Variants in NBAS observed in about 807,000 individuals in gnomAD.
NBAS encodes NAG/BC035112 fusion.
A neutral mutation model predicts 302.5 loss-of-function variants in NBAS; 219 were observed. The observed-to-expected ratio is 0.72, with a 90% CI of 0.65 to 0.81. The LOEUF is 0.81. Among genes scored for constraint, NBAS ranks in the 30% least tolerant of loss-of-function variants. The pLI, the probability that NBAS is intolerant of heterozygous loss-of-function variation, is 0.00. For synonymous variants in NBAS, 1,118 were observed against 1,021.6 expected, an observed-to-expected ratio of 1.09 and a Z score of -1.80; for missense variants, 2,932 against 2,841.6, an observed-to-expected ratio of 1.03 and a Z score of -0.72.
chr2:15,349,536 C>A (rs1210757481), intron 35 of NBAS, among the ~76,000 whole-genome samples: 2 of 152,248 alleles, frequency 1.3e-5, no homozygotes, highest in Non-Finnish European at 2.9e-5. Flanking sequence ...AAGAAGTCTA[C>A]TGCCTGCAGT....
intron 11 of NBAS, among the ~76,000 whole-genome samples, chr2:15,499,610 G>C (rs531259903): frequency 1.3e-5 from 2 of 152,164 alleles, no homozygotes; most frequent in South Asian, 4.2e-4. Flanking sequence ...TGAGGTCTAT[G>C]AGCAGGTGGA....
the NBAS span, among the ~76,000 whole-genome samples, chr2:14,972,420 G>A: frequency 6.7e-6 from 1 of 150,242 alleles, no homozygotes; most frequent in South Asian, 2.1e-4. Context: ...AGAACTTAAA[G>A]TAAAATAATA....
intron 11 of NBAS, among the ~76,000 whole-genome samples, chr2:15,491,949 T>C (rs1213866452): frequency 6.6e-6 from 1 of 152,174 alleles, no homozygotes; most frequent in East Asian, 1.9e-4. Context: ...CACTTCTTTC[T>C]TTCCAGAAAG....
chr2:15,130,623 C>T, the NBAS span, among the ~76,000 whole-genome samples: 1 of 152,242 alleles, frequency 6.6e-6, no homozygotes, highest in Non-Finnish European at 1.5e-5. Context: ...CACAGGGCCC[C>T]CAAACTGGAG....
the NBAS span, among the ~76,000 whole-genome samples, chr2:15,072,749 T>C: frequency 6.6e-6 from 1 of 152,218 alleles, no homozygotes; most frequent in Non-Finnish European, 1.5e-5. Context: ...TAAGTATATT[T>C]TCCCATTTTA....
At chr2:15,043,462 T>C in the NBAS span, among the ~76,000 whole-genome samples, 1 of 152,084 alleles carries the variant, frequency 6.6e-6, no homozygotes, top group Non-Finnish European at 1.5e-5. Flanking sequence ...TCCATATCCA[T>C]CCATGACCTG....
intron 45 of NBAS, among the ~76,000 whole-genome samples, chr2:15,237,811 G>T (rs1477382953): frequency 7.6e-6 from 1 of 131,300 alleles, no homozygotes; most frequent in Non-Finnish European, 1.5e-5. Context: ...GTCTCGCTCT[G>T]TCGCCCAGGC....
the NBAS span, among the ~76,000 whole-genome samples, chr2:14,874,346 G>T: frequency 6.6e-6 from 1 of 152,028 alleles, no homozygotes; most frequent in African/African-American, 2.4e-5. Flanking sequence ...ATTACAAGAG[G>T]CTGGGCACGG....
rs75326564 is a variant in NBAS, at chr2:15,466,351, T to G, written c.2097+978A>C. ...AAGTAACCTCCAAGTGAAGTCAAAC[T>G]TCAATAATGAAAAACTTACCTTAAA... is the stretch of plus-strand genomic sequence containing the variant. On this transcript the variant is annotated intron_variant, in intron 19 of 51. Coordinates refer to ENST00000281513, the MANE Select transcript of NBAS (RefSeq NM_015909.4). Among the ~76,000 whole-genome samples, 918 of 152,218 alleles carry G rather than the reference T, an allele frequency of 6.0e-3. 9 individuals carry two copies. The highest frequency in any genetic ancestry group is 0.02 in the African/African-American group (831 of 41,532).
chr2:15,350,564 C>G (rs1327878532), intron 35 of NBAS, among the ~76,000 whole-genome samples: 1 of 152,158 alleles, frequency 6.6e-6, no homozygotes, highest in Non-Finnish European at 1.5e-5. Context: ...AGACAGGTTT[C>G]AGGGAGCATA....
At chr2:15,225,495 G>A (rs1321758716) in intron 47 of NBAS, among the ~76,000 whole-genome samples, 1 of 151,810 alleles carries the variant, frequency 6.6e-6, no homozygotes, top group African/African-American at 2.4e-5. Context: ...GCTCTAGGTG[G>A]GCCGTTCTTT....
the NBAS span, among the ~76,000 whole-genome samples, chr2:14,855,226 C>T: frequency 2.0e-5 from 3 of 151,980 alleles, no homozygotes; most frequent in Admixed American, 6.6e-5. Flanking sequence ...GCATTCATCA[C>T]CTGCTAACTG....
the NBAS span, among the ~76,000 whole-genome samples, chr2:14,952,225 A>C: frequency 6.6e-6 from 1 of 152,184 alleles, no homozygotes; most frequent in East Asian, 1.9e-4. Flanking sequence ...AAAGTCCTAT[A>C]AATGGCACTC....
chr2:14,880,069 A>G, the NBAS span, among the ~76,000 whole-genome samples: 1 of 152,188 alleles, frequency 6.6e-6, no homozygotes, highest in Non-Finnish European at 1.5e-5. Flanking sequence ...CTTAGCAGTG[A>G]GGATAAAGAA....
At chr2:14,868,960 T>C in the NBAS span, among the ~76,000 whole-genome samples, 1 of 152,214 alleles carries the variant, frequency 6.6e-6, no homozygotes. Flanking sequence ...ACTTGGATTA[T>C]AAATCGTATG....
In NBAS at chr2:15,417,701, T is replaced by C. The variant is rs1248555342; in HGVS notation, c.2589A>G (p.Ala863=). Residue 863 remains alanine, a synonymous_variant, in exon 24 of 52, where the codon GCA becomes GCG. Coordinates refer to ENST00000281513, the MANE Select transcript of NBAS (RefSeq NM_015909.4). ...IEHYARQVDC[A]LSLIRLGMER... ...CCATCCCAAGTCGAATAAGTGACAA[T>C]GCACAGTCCACCTAAAATTGAAAAG... 1.9e-6 allele frequency: 3 copies of C among 1,613,884 alleles called. No individual in the cohort carries two copies. The highest frequency in any genetic ancestry group is 2.2e-5 in the East Asian group (1 of 44,802).
chr2:15,358,356 A>G (rs1180010361), intron 32 of NBAS, among the ~76,000 whole-genome samples: 1 of 151,956 alleles, frequency 6.6e-6, no homozygotes, highest in African/African-American at 2.4e-5. Context: ...CCTAAAATAA[A>G]AGCCTTGACT....
chr2:14,782,159 A>G, the NBAS span, among the ~76,000 whole-genome samples: 1 of 152,144 alleles, frequency 6.6e-6, no homozygotes, highest in Non-Finnish European at 1.5e-5. Context: ...AAGTAAAATC[A>G]ACCTTTACAT....
In NBAS at chr2:15,308,367, T is replaced by C. The variant is rs1308282673; in HGVS notation, c.4660-14A>G. ...AGCATCTAACACCTAGGAGGGAACA[T>C]GTTAGAATTAACTCAGCTGAAAGGA... On this transcript the variant is annotated splice_polypyrimidine_tract_variant and intron_variant, in intron 39 of 51. Transcript: ENST00000281513. 5 of 1,613,578 alleles carry C rather than the reference T, an allele frequency of 3.1e-6. No homozygotes were observed. The highest frequency in any genetic ancestry group is 1.3e-5 in the African/African-American group (1 of 75,040).
Sources: gnomAD v4.1 joint callset for allele counts (sites outside exome capture counted in the v4.1 genomes callset) on GRCh38, gnomAD v4.1.1 for gene constraint, MANE v1.5 for transcripts, NCBI Gene and HGNC (gene_info 2026-07-23, HGNC 2026-07-21) for gene names.